CDH26: variants seen among roughly 807,000 people sequenced by gnomAD.
The protein encoded by CDH26 is cadherin 26, also known as cadherin-like protein 26.
Under a neutral mutation model 90.3 loss-of-function variants are expected in CDH26, and 83 were observed. The ratio of observed to expected loss-of-function variants is 0.92; its 90% CI spans 0.77 to 1.10. CDH26 has a LOEUF of 1.10. Among genes scored for constraint, CDH26 ranks in the 50% least tolerant of loss-of-function variants. The probability of loss-of-function intolerance (pLI) is 0.00; values close to 1 mark genes in which losing one functional copy is unlikely to be tolerated. For missense variants in CDH26, 1,013 were observed against 1,037.6 expected, an observed-to-expected ratio of 0.98 and a Z score of 0.33; for synonymous variants, 397 against 396.3, an observed-to-expected ratio of 1.00 and a Z score of -0.02.
chr20:59,968,868 T>G, intron 1 of CDH26, 99 bp from the exon 2 acceptor site: 2 of 566,016 alleles, frequency 3.5e-6, no homozygotes, highest in Non-Finnish European at 6.2e-6. Flanking sequence ...AAGTTCTGTT[T>G]TCATCATTTC....
intron 17 of CDH26, among the ~76,000 whole-genome samples, chr20:60,008,042 A>G (rs993819739): frequency 6.6e-6 from 1 of 152,102 alleles, no homozygotes; most frequent in Non-Finnish European, 1.5e-5. Flanking sequence ...TGCTCGTGTC[A>G]TGGAGGCTCT....
intron 7 of CDH26, among the ~76,000 whole-genome samples, chr20:60,024,884 C>T (rs1217515547): frequency 1.3e-5 from 2 of 152,190 alleles, no homozygotes; most frequent in African/African-American, 4.8e-5. Flanking sequence ...AAGTTCTGGC[C>T]AATGGGATTC....
chr20:60,025,284 C>T (rs994423218), intron 7 of CDH26, among the ~76,000 whole-genome samples: 12 of 152,204 alleles, frequency 7.9e-5, no homozygotes, highest in African/African-American at 2.9e-4. Flanking sequence ...GTGATTGCCT[C>T]GATGAGTTAA....
intron 4 of CDH26, among the ~76,000 whole-genome samples, chr20:59,977,471 T>A (rs1272689838): frequency 6.6e-6 from 1 of 152,054 alleles, no homozygotes; most frequent in Admixed American, 6.6e-5. Flanking sequence ...TTCGACTTGC[T>A]TTTAAAAATA....
At chr20:59,975,021 G>A (rs1167919234) in intron 4 of CDH26, among the ~76,000 whole-genome samples, 1 of 152,056 alleles carries the variant, frequency 6.6e-6, no homozygotes, top group East Asian at 1.9e-4. Context: ...CACATAATAG[G>A]TTCTCCCTTA....
chr20:60,000,759 T>C (rs2061665916), intron 14 of CDH26, among the ~76,000 whole-genome samples: 2 of 152,196 alleles, frequency 1.3e-5, no homozygotes, highest in South Asian at 4.1e-4. Context: ...TTGTAGTAAG[T>C]ACATCTCTGG....
In CDH26 at chr20:59,972,081, T is replaced by C. The variant is rs1342140577; in HGVS notation, c.351T>C (p.Tyr117=). Residue 117 remains tyrosine, a synonymous_variant, in exon 4 of 18, where the codon TAT becomes TAC. Coordinates refer to ENST00000348616, the MANE Select transcript of CDH26 (RefSeq NM_177980.4). The part of the protein sequence containing the change: ...SLEDHENGRI[Y]VHRPVDREMT... ...AAGATCATGAGAACGGAAGGATATA[T>C]GTTCACCGCCCTGTCGATCGAGAAA... 3 of 1,614,000 alleles carry C rather than the reference T, an allele frequency of 1.9e-6. No individual in the cohort carries two copies. The highest frequency in any genetic ancestry group is 1.3e-5 in the African/African-American group (1 of 74,940).
At chr20:59,979,601 CT>C (rs559969476) in intron 4 of CDH26, among the ~76,000 whole-genome samples, 1 of 47,448 alleles carries the variant, frequency 2.1e-5, no homozygotes, top group Non-Finnish European at 4.1e-5. Context: ...CTGCTATGCA[CT>C]TTTTTTTTTT....
chr20:60,027,325 T>A (rs1262262313), intron 7 of CDH26, among the ~76,000 whole-genome samples: 1 of 152,128 alleles, frequency 6.6e-6, no homozygotes, highest in African/African-American at 2.4e-5. Flanking sequence ...GTTGAAAGAA[T>A]TGTACAATGA....
chr20:60,012,164 C>T (rs1481033053), intron 17 of CDH26, among the ~76,000 whole-genome samples: 1 of 151,928 alleles, frequency 6.6e-6, no homozygotes, highest in East Asian at 1.9e-4. Flanking sequence ...GGACAGTTGT[C>T]CAAACGAGGG....
At chr20:59,996,106 T>C (rs759836542) in intron 12 of CDH26, 52 bp downstream of exon 12, 1 of 1,561,042 alleles carries the variant, frequency 6.4e-7, no homozygotes, top group East Asian at 2.3e-5. Flanking sequence ...CCCCAGGCAA[T>C]AGGCCAGGGG....
intron 1 of CDH26, among the ~76,000 whole-genome samples, chr20:59,959,803 T>C (rs926175126): frequency 2.6e-5 from 4 of 152,218 alleles, no homozygotes; most frequent in African/African-American, 9.6e-5. Context: ...ATGGAATGGC[T>C]AAATCCATTG....
intron 4 of CDH26, 152 bp from the exon 5 acceptor site, chr20:59,982,771 T>A: frequency 1.2e-6 from 1 of 807,226 alleles, no homozygotes. Flanking sequence ...TCTGGGGTAC[T>A]TGGTAAATGA....
rs113646744 is a variant in CDH26, at chr20:59,984,470, T to C, written c.542-169T>C. The stretch of plus-strand genomic sequence containing the variant: ...AGAAAGTTCTTGATCTTATAACTAA[T>C]TAAATATTCATCCTTATCTTTTCTA... On this transcript the variant is annotated intron_variant, in intron 5 of 17. Coordinates refer to ENST00000348616, the MANE Select transcript of CDH26 (RefSeq NM_177980.4). Among the ~76,000 whole-genome samples, 442 of 152,368 alleles carry C rather than the reference T, an allele frequency of 2.9e-3. 2 individuals carry two copies. Among genetic ancestry groups the C allele is most frequent in the African/African-American group, 0.01 (422 of 41,572 alleles).
chr20:59,992,325 T>A lies in CDH26; in HGVS notation c.1284-53T>A. 6.4e-7 allele frequency: 1 copy of A among 1,559,656 alleles called. No homozygotes were observed. The highest frequency in any genetic ancestry group is 8.7e-7 in the Non-Finnish European group (1 of 1,152,034). Reference sequence around the variant, plus strand: ...TGTTTTTTTATGCAACTTTTTTATCTTTTAATGTAAGTTTTTAATTTTAAA... The same window carrying A: ...TGTTTTTTTATGCAACTTTTTTATCATTTAATGTAAGTTTTTAATTTTAAA... On this transcript the variant is annotated intron_variant, in intron 9 of 17. Transcript: ENST00000348616. This position sits in a 1 kb window ranked among gnomAD's most constrained non-coding sequence, Gnocchi z 5.0.
chr20:59,997,499 T>C (rs2061614866), intron 13 of CDH26, among the ~76,000 whole-genome samples: 1 of 152,258 alleles, frequency 6.6e-6, no homozygotes, highest in African/African-American at 2.4e-5. Flanking sequence ...CCATATAAAG[T>C]AATTGGCCAA....
chr20:59,995,721 T>A (rs1183072739), intron 11 of CDH26, 112 bp from the exon 12 acceptor site: 1 of 904,832 alleles, frequency 1.1e-6, no homozygotes, highest in Non-Finnish European at 1.8e-6. Context: ...AACTCTGCAG[T>A]TGGCTTACTT....
chr20:60,020,853 T>C lies in CDH26; in HGVS notation c.948-10378T>C, dbSNP rs145238073. Among the ~76,000 whole-genome samples the C allele has an allele frequency of 3.3e-5, 5 of 152,176 alleles. No individual in the cohort carries two copies. In the South Asian group the frequency reaches 1.0e-3, roughly 31 times the overall value. On this transcript the variant is annotated intron_variant, in intron 7 of 8. Coordinates refer to the CDH26 transcript ENST00000370991. ...GGGCTTTGTGAGGACTGTGGGAGTC[T>C]TGTATGTAAGGACTGTAGGTGTTTG...
chr20:59,985,050 C>G lies in CDH26; in HGVS notation c.758C>G (p.Pro253Arg). 1 of 1,613,940 alleles carries G rather than the reference C, an allele frequency of 6.2e-7. No individual in the cohort carries two copies. The highest frequency in any genetic ancestry group is 8.5e-7 in the Non-Finnish European group (1 of 1,179,918). ...ATCAGAGCCAGGGACTGTGGAGAACCGTCACTGTCATCCACGACCACCGTT... is the reference window on the plus strand; with the variant it reads ...ATCAGAGCCAGGGACTGTGGAGAACGGTCACTGTCATCCACGACCACCGTT... ...LLIRARDCGE[P>R]SLSSTTTVHV... The change falls in exon 7 of 18, where the codon CCG becomes CGG. Residue 253 changes from proline (P) to arginine (R), a missense_variant. Transcript: ENST00000348616.
Sources: gnomAD v4.1 joint callset for allele counts (sites outside exome capture counted in the v4.1 genomes callset) on GRCh38, gnomAD v4.1.1 for gene constraint, Gnocchi (gnomAD v3.1) non-coding constraint, MANE v1.5 for transcripts, NCBI Gene and HGNC (gene_info 2026-07-23, HGNC 2026-07-21) for gene names.